The following CRB1 variants were observed in gnomAD, a reference collection of about 807,000 sequenced individuals.
The protein encoded by CRB1 is crumbs cell polarity complex component 1, also known as protein crumbs homolog 1.
In CRB1, 83 loss-of-function variants were observed where a neutral mutation model predicts 120.0. The observed-to-expected ratio is 0.69, with a 90% CI of 0.58 to 0.83. The LOEUF (loss-of-function observed/expected upper bound fraction) is 0.83, where lower values mean the gene tolerates loss of function less well. CRB1 is among the 40% of genes least tolerant of loss of function. The pLI is 0.00. For missense variants in CRB1, 1,699 were observed against 1,687.6 expected, an observed-to-expected ratio of 1.01 and a Z score of -0.12; for synonymous variants, 625 against 612.5, an observed-to-expected ratio of 1.02 and a Z score of -0.30.
At chr1:197,229,882 G>A in the CRB1 span, among the ~76,000 whole-genome samples, 6 of 152,046 alleles carry the variant, frequency 3.9e-5, no homozygotes, top group African/African-American at 1.4e-4. Flanking sequence ...CTACAGCTTC[G>A]CTCTTGATTA....
intron 2 of CRB1, among the ~76,000 whole-genome samples, chr1:197,341,002 C>A (rs1430481490): frequency 6.6e-6 from 1 of 152,088 alleles, no homozygotes; most frequent in Admixed American, 6.5e-5. Context: ...AAAGAGAGAG[C>A]TTGTGCAGGG....
chr1:197,474,063 G>A (rs952992485), intron 11 of CRB1, among the ~76,000 whole-genome samples: 2 of 152,152 alleles, frequency 1.3e-5, no homozygotes, highest in African/African-American at 4.8e-5. Context: ...ATACTGCAAC[G>A]TCCTGAGGGA....
At chr1:197,363,599 G>T (rs989494427) in intron 5 of CRB1, among the ~76,000 whole-genome samples, 1 of 152,248 alleles carries the variant, frequency 6.6e-6, no homozygotes, top group South Asian at 2.1e-4. Context: ...GCAGGGTTTG[G>T]GGGAAGGAAG....
intron 5 of CRB1, among the ~76,000 whole-genome samples, chr1:197,380,846 A>G (rs1008000302): frequency 1.3e-5 from 2 of 152,142 alleles, no homozygotes; most frequent in African/African-American, 4.8e-5. Flanking sequence ...AAATTACACA[A>G]AGCAGCCCTG....
intron 1 of CRB1, among the ~76,000 whole-genome samples, chr1:197,311,993 C>T (rs1023944656): frequency 1.3e-5 from 2 of 151,988 alleles, no homozygotes; most frequent in Admixed American, 6.6e-5. Flanking sequence ...AAACCTAAGG[C>T]TTTTCTCATA....
chr1:197,281,957 A>G (rs1292501924), intron 1 of CRB1, among the ~76,000 whole-genome samples: 1 of 151,760 alleles, frequency 6.6e-6, no homozygotes, highest in Non-Finnish European at 1.5e-5. Flanking sequence ...GAAGATAAAG[A>G]GTATAATAAA....
Position 197,286,313 on chromosome 1 carries a change from G to A in CRB1, c.70+17831G>A, listed in dbSNP as rs185827180. 4.0e-3 allele frequency among the ~76,000 whole-genome samples: 601 copies of A among 151,818 alleles called. 7 individuals carry two copies. The highest frequency in any genetic ancestry group is 0.014 in the African/African-American group (582 of 41,448). ...TAGAATTGTATACAAACTCTGAATC[G>A]TATAAAACTCCTGCAATGTACCTGT... On this transcript the variant is annotated intron_variant, in intron 1 of 11. Transcript: ENST00000367400.
At chr1:197,351,889 T>C (rs1477643185) in intron 4 of CRB1, among the ~76,000 whole-genome samples, 1 of 152,178 alleles carries the variant, frequency 6.6e-6, no homozygotes, top group African/African-American at 2.4e-5. Context: ...TAACCTATCT[T>C]GCTGTTGTAT....
At chr1:197,349,038 C>T (rs1659941113) in intron 4 of CRB1, among the ~76,000 whole-genome samples, 1 of 152,136 alleles carries the variant, frequency 6.6e-6, no homozygotes, top group African/African-American at 2.4e-5. Context: ...GAGCAACTTC[C>T]AGACCTCCAA....
intron 1 of CRB1, among the ~76,000 whole-genome samples, chr1:197,295,105 G>C (rs1656444516): frequency 6.6e-6 from 1 of 152,082 alleles, no homozygotes; most frequent in Non-Finnish European, 1.5e-5. Context: ...TGGGAGGCAA[G>C]TATTTTTTTT....
chr1:197,387,737 C>A (rs1447388330), intron 5 of CRB1, among the ~76,000 whole-genome samples: 2 of 151,694 alleles, frequency 1.3e-5, no homozygotes, highest in African/African-American at 4.8e-5. Flanking sequence ...CAAGAGCCTT[C>A]TAGTTATTTT....
chr1:197,359,241 A>G (rs1660650053), intron 5 of CRB1, among the ~76,000 whole-genome samples: 1 of 152,128 alleles, frequency 6.6e-6, no homozygotes, highest in Non-Finnish European at 1.5e-5. Context: ...CTGCCTCCTC[A>G]TCCCTTATCC....
intron 5 of CRB1, among the ~76,000 whole-genome samples, chr1:197,369,011 G>C (rs1661227116): frequency 6.6e-6 from 1 of 152,110 alleles, no homozygotes; most frequent in Admixed American, 6.5e-5. Context: ...GTTTGTTAGA[G>C]TAAGAAGCTG....
chr1:197,336,223 C>A (rs750690702), intron 2 of CRB1, among the ~76,000 whole-genome samples: 1 of 152,190 alleles, frequency 6.6e-6, no homozygotes, highest in Non-Finnish European at 1.5e-5. Flanking sequence ...ACTGACACTG[C>A]CATTACAGTG....
At position 197,328,996 on chromosome 1, in the gene CRB1, T is replaced by C; in HGVS notation, c.645T>C (p.Asn215=). The change falls in exon 2 of 12, where the codon AAT becomes AAC. Residue 215 remains asparagine (N), a synonymous_variant. Coordinates refer to ENST00000367400, the MANE Select transcript of CRB1 (RefSeq NM_201253.3). ...GATATACTTGTATCTGTCCCCACAATTATTCTGGTAAGTGTGATCATATCT... is the reference window on the plus strand; with the variant it reads ...GATATACTTGTATCTGTCCCCACAACTATTCTGGTAAGTGTGATCATATCT... ...IGRYTCICPH[N]YSGVNCELEI... is the part of the protein sequence containing the mutation. The C allele has an allele frequency of 4.3e-6, 7 of 1,611,574 alleles. No homozygotes were observed. Among genetic ancestry groups the C allele is most frequent in the Non-Finnish European group, 5.9e-6 (7 of 1,179,452 alleles).
At chr1:197,293,674 T>C (rs1656339564) in intron 1 of CRB1, among the ~76,000 whole-genome samples, 1 of 152,050 alleles carries the variant, frequency 6.6e-6, no homozygotes, top group Non-Finnish European at 1.5e-5. Flanking sequence ...ACTACAAGCC[T>C]ACAGTAACCA....
the CRB1 span, among the ~76,000 whole-genome samples, chr1:197,253,794 T>G: frequency 6.6e-6 from 1 of 152,102 alleles, no homozygotes; most frequent in East Asian, 1.9e-4. Flanking sequence ...TTTAAGCTTA[T>G]AGTTTCATTT....
At position 197,412,736 on chromosome 1, in the gene CRB1, A is replaced by G. The variant is rs559807898; in HGVS notation, c.1172-8264A>G. On this transcript the variant is annotated intron_variant, in intron 5 of 11. Coordinates refer to ENST00000367400, the MANE Select transcript of CRB1 (RefSeq NM_201253.3). ...TGCTTCAAAAAGCAAGATTATATCT[A>G]TTTTTCTTCACTATCATATCTCCTG... 2.6e-5 allele frequency among the ~76,000 whole-genome samples: 4 copies of G among 152,330 alleles called. No homozygotes were observed. The South Asian group carries it at 8.3e-4, about 32-fold the overall frequency.
chr1:197,345,586 G>A lies in CRB1; in HGVS notation c.848+1110G>A, dbSNP rs560269303. Among the ~76,000 whole-genome samples the A allele has an allele frequency of 1.0e-4, 14 of 135,074 alleles. No homozygotes were observed. In the South Asian group the frequency reaches 3.1e-3, roughly 30 times the overall value. 88.6% of individuals were successfully genotyped at this position (135,074 alleles called of 152,430 possible). A position where few individuals can be genotyped will look rare whatever the true frequency, so the allele number is the denominator to read the frequency against. On this transcript the variant is annotated intron_variant, in intron 3 of 11. Coordinates refer to ENST00000367400, the MANE Select transcript of CRB1 (RefSeq NM_201253.3). Reference sequence around the variant, plus strand: ...TGCAGTGGTGTGATCTTGGTTCACCGCAACCTCCGCCTTCCGGTTCAAGCA... The same window carrying A: ...TGCAGTGGTGTGATCTTGGTTCACCACAACCTCCGCCTTCCGGTTCAAGCA...
Sources: gnomAD v4.1 joint callset for allele counts (sites outside exome capture counted in the v4.1 genomes callset) on GRCh38, gnomAD v4.1.1 for gene constraint, MANE v1.5 for transcripts, NCBI Gene and HGNC (gene_info 2026-07-23, HGNC 2026-07-21) for gene names.